The following NCKAP5 variants were observed in gnomAD, a reference collection of about 807,000 sequenced individuals.
NCKAP5 encodes NCK associated protein 5, also known as nck-associated protein 5.
In NCKAP5, 92 loss-of-function variants were observed where a neutral mutation model predicts 167.0. The ratio of observed to expected loss-of-function variants is 0.55; its 90% CI spans 0.47 to 0.66. The LOEUF (loss-of-function observed/expected upper bound fraction) is 0.66, where lower values mean the gene tolerates loss of function less well. Among genes scored for constraint, NCKAP5 ranks in the 30% least tolerant of loss-of-function variants. The pLI is 0.00. For synonymous variants in NCKAP5, 891 were observed against 877.4 expected (o/e 1.02, Z -0.27); for missense variants, 2,378 against 2,315.0 (o/e 1.03, Z -0.56).
chr2:133,243,133 A>G (rs1267661660), intron 4 of NCKAP5, among the ~76,000 whole-genome samples: 1 of 152,186 alleles, frequency 6.6e-6, no homozygotes, highest in African/African-American at 2.4e-5. Flanking sequence ...TAGGAGCAAC[A>G]AATCCTGGAT....
intron 4 of NCKAP5, among the ~76,000 whole-genome samples, chr2:133,217,250 A>T (rs1055008708): frequency 6.6e-6 from 1 of 152,162 alleles, no homozygotes; most frequent in African/African-American, 2.4e-5. Flanking sequence ...TAAAGTACGC[A>T]GAAAAATATC....
chr2:133,559,144 A>G (rs923593521), intron 1 of NCKAP5, 27 bp from the exon 2 acceptor site: 3 of 152,200 alleles, frequency 2.0e-5, no homozygotes, highest in African/African-American at 4.8e-5. Flanking sequence ...TAATCTAAAT[A>G]TGTGGCTCAA....
At chr2:133,080,070 C>T (rs1573966975) in intron 6 of NCKAP5, among the ~76,000 whole-genome samples, 1 of 152,208 alleles carries the variant, frequency 6.6e-6, no homozygotes, top group Non-Finnish European at 1.5e-5. Flanking sequence ...TAATGATTTC[C>T]TCAGCATACT....
intron 8 of NCKAP5, among the ~76,000 whole-genome samples, chr2:132,923,095 C>G (rs1323836080): frequency 1.3e-5 from 2 of 152,150 alleles, no homozygotes; most frequent in Non-Finnish European, 2.9e-5. Context: ...ACAGTCCTTG[C>G]CTTCATGGGC....
chr2:132,875,550 T>C (rs757633479), intron 9 of NCKAP5, among the ~76,000 whole-genome samples: 2 of 152,218 alleles, frequency 1.3e-5, no homozygotes, highest in Non-Finnish European at 2.9e-5. Flanking sequence ...CAGTAAAGGT[T>C]TGCAGGATAC....
chr2:133,649,335 A>G, the NCKAP5 span, among the ~76,000 whole-genome samples: 1 of 151,814 alleles, frequency 6.6e-6, no homozygotes, highest in Admixed American at 6.6e-5. Flanking sequence ...ACTTTCTCAA[A>G]CTCTTTCAAA....
intron 5 of NCKAP5, among the ~76,000 whole-genome samples, chr2:133,177,456 G>A (rs1040383547): frequency 3.9e-4 from 59 of 151,972 alleles, no homozygotes; most frequent in Admixed American, 3.8e-3. Flanking sequence ...GTGCAACCCC[G>A]CACAGCTTCA....
At position 133,222,533 on chromosome 2, in the gene NCKAP5, T is replaced by A. The variant is rs1339139442; in HGVS notation, c.144-8754A>T. 2.6e-5 allele frequency among the ~76,000 whole-genome samples: 4 copies of A among 152,196 alleles called. No homozygotes were observed. In the East Asian group the frequency reaches 7.7e-4, roughly 29 times the overall value. Reference sequence around the variant, plus strand: ...AAAGAAGGCAAATATCATCTTAGTATTCTTATAAAATTCTAAGTATTCTTA... The same window carrying A: ...AAAGAAGGCAAATATCATCTTAGTAATCTTATAAAATTCTAAGTATTCTTA... On this transcript the variant is annotated intron_variant, in intron 4 of 19. Transcript: ENST00000409261.
chr2:133,038,345 T>C (rs1246981603), intron 6 of NCKAP5, among the ~76,000 whole-genome samples: 1 of 152,214 alleles, frequency 6.6e-6, no homozygotes, highest in Non-Finnish European at 1.5e-5. Context: ...GAGATCATTA[T>C]ATTAGGTGAA....
At chr2:133,355,660 T>A (rs1553622640) in intron 3 of NCKAP5, among the ~76,000 whole-genome samples, 1 of 152,076 alleles carries the variant, frequency 6.6e-6, no homozygotes, top group Non-Finnish European at 1.5e-5. Context: ...CCTTTTCCCA[T>A]ATACCCACAT....
chr2:133,437,891 C>T (rs1690593538), intron 3 of NCKAP5, among the ~76,000 whole-genome samples: 1 of 152,202 alleles, frequency 6.6e-6, no homozygotes, highest in African/African-American at 2.4e-5. Flanking sequence ...ATAGAGAAAG[C>T]TCTGAATAGA....
Position 132,673,026 on chromosome 2 carries a change from A to G in NCKAP5, c.*263T>C. ...CTCACTAAGGGAAGAGATGTCCTTT[A>G]TACATCATTTGAACCTTGACTGGCA... On this transcript the variant is annotated 3_prime_UTR_variant, in exon 20 of 20. Transcript: ENST00000409261. 1.0e-6 allele frequency: 1 copy of G among 990,616 alleles called. No individual in the cohort carries two copies. Among genetic ancestry groups the G allele is most frequent in the Non-Finnish European group, 1.2e-6 (1 of 841,724 alleles). 61.4% of individuals were successfully genotyped at this position (990,616 alleles called of 1,614,324 possible). A position where few individuals can be genotyped will look rare whatever the true frequency, so the allele number is the denominator to read the frequency against.
intron 6 of NCKAP5, among the ~76,000 whole-genome samples, chr2:133,110,729 G>A (rs915573789): frequency 2.0e-5 from 3 of 152,136 alleles, no homozygotes; most frequent in African/African-American, 7.2e-5. Flanking sequence ...GAAATACAAA[G>A]TCAGAGTTAC....
intron 16 of NCKAP5, among the ~76,000 whole-genome samples, chr2:132,749,575 C>T (rs918551637): frequency 3.3e-5 from 5 of 152,184 alleles, no homozygotes; most frequent in East Asian, 1.9e-4. Flanking sequence ...TTACCATCAA[C>T]GCACTACCAA....
At chr2:132,947,044 T>C (rs1478099407) in intron 8 of NCKAP5, among the ~76,000 whole-genome samples, 4 of 152,254 alleles carry the variant, frequency 2.6e-5, no homozygotes, top group Admixed American at 1.3e-4. Context: ...CACAGGGATA[T>C]GTCATTTCTA....
At chr2:133,286,293 G>A (rs1239856015) in intron 4 of NCKAP5, among the ~76,000 whole-genome samples, 3 of 152,152 alleles carry the variant, frequency 2.0e-5, no homozygotes, top group African/African-American at 7.2e-5. Flanking sequence ...ACCACGCCCG[G>A]CCTCTTCTGT....
intron 8 of NCKAP5, among the ~76,000 whole-genome samples, chr2:132,891,324 C>G (rs1692693450): frequency 6.6e-6 from 1 of 152,240 alleles, no homozygotes; most frequent in Admixed American, 6.5e-5. Context: ...AACAAGTTCC[C>G]AGGTGCTGCT....
intron 5 of NCKAP5, among the ~76,000 whole-genome samples, chr2:133,199,762 C>T (rs2085592437): frequency 6.6e-6 from 1 of 151,944 alleles, no homozygotes; most frequent in Admixed American, 6.6e-5. Context: ...ATGACTTGCA[C>T]ATGAATGTTC....
intron 3 of NCKAP5, among the ~76,000 whole-genome samples, chr2:133,351,395 A>T (rs1403807777): frequency 6.6e-6 from 1 of 152,092 alleles, no homozygotes; most frequent in African/African-American, 2.4e-5. Context: ...TTTGAGCCTT[A>T]ATTTTTTTCA....
Sources: allele counts gnomAD v4.1 joint callset (sites outside exome capture counted in the v4.1 genomes callset), GRCh38; gene constraint gnomAD v4.1.1; transcripts MANE v1.5; gene names NCBI Gene and HGNC (gene_info 2026-07-23, HGNC 2026-07-21).